USP40: variants seen among roughly 807,000 people sequenced by gnomAD.
USP40 encodes the protein ubiquitin carboxyl-terminal hydrolase 40.
A neutral mutation model predicts 166.2 loss-of-function variants in USP40; 143 were observed. The observed-to-expected ratio is 0.86, with a 90% CI of 0.75 to 0.99. The LOEUF is 0.99. USP40 is among the 50% of genes least tolerant of loss of function. The pLI, the probability that USP40 is intolerant of heterozygous loss-of-function variation, is 0.00. For synonymous variants in USP40, 498 were observed against 524.0 expected (o/e 0.95, Z 0.68); for missense variants, 1,444 against 1,479.7 (o/e 0.98, Z 0.40).
chr2:233,562,837 ACAT>A (rs1459473781), intron 2 of USP40, 34 bp from the exon 3 acceptor site: 30 of 1,465,494 alleles, frequency 2.0e-5, no homozygotes, highest in Non-Finnish European at 2.7e-5. Flanking sequence ...GATGCAAATG[ACAT>A]CATTTCATTT....
In USP40 at chr2:233,527,430, C is replaced by G. The variant is rs770994312; in HGVS notation, c.1702G>C (p.Asp568His). ...LTFDKRKTLG[D>H]LRQSIFQLLE... ...ACCTGAAATATTGACTGCCGGAGATCTCCTAAAGTTTTTCTTTTATCAAAG... is the reference window on the plus strand; with the variant it reads ...ACCTGAAATATTGACTGCCGGAGATGTCCTAAAGTTTTTCTTTTATCAAAG... Residue 568 changes from aspartate to histidine, a missense_variant, in exon 13 of 32, where the codon GAT becomes CAT. Physicochemically the swap from Asp to His is moderately conservative, Grantham distance 81 (BLOSUM62 -1). Coordinates refer to ENST00000678225, the MANE Select transcript of USP40 (RefSeq NM_001365479.2). The G allele has an allele frequency of 1.2e-6, 2 of 1,613,210 alleles. No individual in the cohort carries two copies. Among genetic ancestry groups the G allele is most frequent in the Non-Finnish European group, 1.7e-6 (2 of 1,179,766 alleles).
intron 10 of USP40, among the ~76,000 whole-genome samples, chr2:233,539,923 C>T (rs768110608): frequency 6.6e-6 from 1 of 151,722 alleles, no homozygotes; most frequent in Non-Finnish European, 1.5e-5. Context: ...CACTTGAGTC[C>T]AGGAGTTTGA....
At position 233,533,916 on chromosome 2, in the gene USP40, A is replaced by G. The variant is rs961151244; in HGVS notation, c.1171-137T>C. 4 of 874,088 alleles carry G rather than the reference A, an allele frequency of 4.6e-6. No homozygotes were observed. The East Asian group carries it at 8.0e-5, about 17-fold the overall frequency. The allele number at this position is 874,088 out of a possible 1,614,324, so 54.1% of individuals were successfully genotyped here. A position where few individuals can be genotyped will look rare whatever the true frequency, so the allele number is the denominator to read the frequency against. Reference sequence around the variant, plus strand: ...TTTCTGACCTGGCCAGCTACGGGGGAAAATCCATCTAGGTATCATAAAACA... The same window carrying G: ...TTTCTGACCTGGCCAGCTACGGGGGGAAATCCATCTAGGTATCATAAAACA... On this transcript the variant is annotated intron_variant, in intron 10 of 31. Transcript: ENST00000678225.
chr2:233,513,108 C>A (rs7583771), intron 18 of USP40, among the ~76,000 whole-genome samples: 1,941 of 152,222 alleles, frequency 0.013, 39 homozygotes, highest in East Asian at 0.084. Context: ...TATAAAGAGT[C>A]GTTTAAGCAG....
At position 233,479,375 on chromosome 2, in the gene USP40, C is replaced by T. The variant is rs373580250; in HGVS notation, c.3599+1828G>A. 3.7e-3 allele frequency among the ~76,000 whole-genome samples: 558 copies of T among 152,186 alleles called. 2 individuals are homozygous for T. Among genetic ancestry groups the T allele is most frequent in the South Asian group, 0.027 (130 of 4,818 alleles). ...GTCAAGAGATTGAGACCATCCTGGC[C>T]AACATGGTGAAACCTCGTCTCTACT... On this transcript the variant is annotated intron_variant, in intron 31 of 31. Transcript: ENST00000678225.
intron 29 of USP40, 37 bp from the exon 30 acceptor site, chr2:233,485,663 C>G: frequency 6.2e-7 from 1 of 1,605,848 alleles, no homozygotes; most frequent in South Asian, 1.1e-5. Context: ...AAGCAAAACT[C>G]AACCTCAAGT....
At chr2:233,509,969 T>C in intron 21 of USP40, 80 bp downstream of exon 21, 1 of 1,158,542 alleles carries the variant, frequency 8.6e-7, no homozygotes, top group Non-Finnish European at 1.3e-6. Flanking sequence ...CCTCCAAATC[T>C]TAACACAGGA....
chr2:233,532,383 T>C (rs1320294383), intron 11 of USP40, among the ~76,000 whole-genome samples: 3 of 152,204 alleles, frequency 2.0e-5, no homozygotes, highest in Non-Finnish European at 4.4e-5. Context: ...CTTCAGCCTC[T>C]GGTTGGCTGC....
chr2:233,534,732 G>A (rs1232900272), intron 10 of USP40, among the ~76,000 whole-genome samples: 2 of 152,180 alleles, frequency 1.3e-5, no homozygotes, highest in African/African-American at 4.8e-5. Flanking sequence ...TCAACAACTT[G>A]AAAGCTTTGA....
rs75921413 is a variant in USP40 at position 233,551,314 on chromosome 2, T to C, written c.837+62A>G. ...CACAATAAACCAACTGAAAATCGGGTCAATAATAGATTCAATCTTGAGAGG... is the reference window on the plus strand; with the variant it reads ...CACAATAAACCAACTGAAAATCGGGCCAATAATAGATTCAATCTTGAGAGG... On this transcript the variant is annotated intron_variant, in intron 7 of 31. Transcript: ENST00000678225. 4,816 of 1,507,166 alleles carry C rather than the reference T, an allele frequency of 3.2e-3. 113 individuals are homozygous for C. In the East Asian group the frequency reaches 0.06, roughly 19 times the overall value. 93.4% of individuals were successfully genotyped at this position (1,507,166 alleles called of 1,614,324 possible).
At chr2:233,511,423 G>A (rs1443556321) in intron 20 of USP40, among the ~76,000 whole-genome samples, 1 of 152,186 alleles carries the variant, frequency 6.6e-6, no homozygotes, top group Non-Finnish European at 1.5e-5. Context: ...AAAAGAAGGT[G>A]TATCTTAGAA....
intron 10 of USP40, among the ~76,000 whole-genome samples, chr2:233,538,523 G>A (rs139594678): frequency 3.9e-5 from 6 of 152,196 alleles, no homozygotes; most frequent in East Asian, 1.9e-4. Flanking sequence ...GTCACTAAAC[G>A]GATAATAAGG....
intron 30 of USP40, 136 bp downstream of exon 30, chr2:233,485,395 C>T: frequency 5.2e-6 from 4 of 768,364 alleles, no homozygotes; most frequent in East Asian, 2.7e-5. Flanking sequence ...AGTTTTCCCT[C>T]TTTTTTATCC....
chr2:233,512,642 T>TATTTTTCTTAGTATATC lies in USP40; in HGVS notation c.2384-21_2384-20insGATATACTAAGAAAAAT. On this transcript the variant is annotated intron_variant, in intron 18 of 31. Coordinates refer to ENST00000678225, the MANE Select transcript of USP40 (RefSeq NM_001365479.2). ...TGTCAGCTATATATAAAAGGAATATTATTTTTCTTAGAGAGCTAGGAATTA... is the reference window on the plus strand; with the variant it reads ...TGTCAGCTATATATAAAAGGAATATTATTTTTCTTAGTATATCATTTTTCTTAGAGAGCTAGGAATTA... 7.1e-7 allele frequency: 1 copy of TATTTTTCTTAGTATATC among 1,400,990 alleles called. No individual in the cohort carries two copies. The highest frequency in any genetic ancestry group is 9.6e-7 in the Non-Finnish European group (1 of 1,040,992). The allele number at this position is 1,400,990 out of a possible 1,614,324, so 86.8% of individuals were successfully genotyped here.
At chr2:233,551,050 A>C (rs758154247) in intron 7 of USP40, among the ~76,000 whole-genome samples, 2 of 152,246 alleles carry the variant, frequency 1.3e-5, no homozygotes, top group Non-Finnish European at 2.9e-5. Context: ...GACTCTAAAT[A>C]AATCAGTGGT....
At chr2:233,529,795 T>C (rs915606277) in intron 11 of USP40, among the ~76,000 whole-genome samples, 7 of 132,566 alleles carry the variant, frequency 5.3e-5, no homozygotes, top group Non-Finnish European at 9.2e-5. Flanking sequence ...TTTCATCTTT[T>C]TTTTTTCTTT....
intron 5 of USP40, among the ~76,000 whole-genome samples, chr2:233,554,881 A>C (rs1327232812): frequency 1.3e-5 from 2 of 152,210 alleles, no homozygotes; most frequent in Non-Finnish European, 2.9e-5. Context: ...CTAGACTATA[A>C]GAGCAAGGGC....
chr2:233,482,058 T>C (rs990179707), intron 30 of USP40, among the ~76,000 whole-genome samples: 1 of 152,200 alleles, frequency 6.6e-6, no homozygotes, highest in Non-Finnish European at 1.5e-5. Flanking sequence ...AACTCTTCAA[T>C]GACTGAGAGA....
intron 13 of USP40, among the ~76,000 whole-genome samples, chr2:233,525,776 A>G (rs1405458322): frequency 1.3e-5 from 2 of 152,182 alleles, no homozygotes; most frequent in Admixed American, 6.5e-5. Flanking sequence ...TTCCTGAGTG[A>G]AGAATTCTGG....
Sources: gnomAD v4.1 joint callset for allele counts (sites outside exome capture counted in the v4.1 genomes callset) on GRCh38, gnomAD v4.1.1 for gene constraint, MANE v1.5 for transcripts, NCBI Gene and HGNC (gene_info 2026-07-23, HGNC 2026-07-21) for gene names.